Variants in CHAF1A observed in about 807,000 individuals in gnomAD.
The protein encoded by CHAF1A is CAF-1 subunit A.
A neutral mutation model predicts 93.2 loss-of-function variants in CHAF1A; 5 were observed. That is an observed-to-expected ratio of 0.05 (90% CI 0.03 to 0.11). CHAF1A has a LOEUF of 0.11. Among genes scored for constraint, CHAF1A ranks in the 10% least tolerant of loss-of-function variants. CHAF1A has a pLI of 1.00. For missense variants in CHAF1A, 1,102 were observed against 1,259.9 expected, an observed-to-expected ratio of 0.87 and a Z score of 1.90; for synonymous variants, 504 against 510.3, an observed-to-expected ratio of 0.99 and a Z score of 0.17.
intron 8 of CHAF1A, 105 bp downstream of exon 8, chr19:4,428,995 G>T: frequency 1.1e-6 from 1 of 885,228 alleles, no homozygotes; most frequent in Admixed American, 2.4e-5. Context: ...TCTGTTGCTT[G>T]CTTCCTAGTG....
downstream of CHAF1A, chr19:4,446,953 C>A: frequency 6.2e-7 from 1 of 1,605,440 alleles, no homozygotes; most frequent in East Asian, 2.2e-5. Context: ...CTGGGGGCCC[C>A]TGGCTTCCTC....
At chr19:4,446,516 G>A (rs145303168), downstream of CHAF1A, 17 of 1,610,112 alleles carry the variant, frequency 1.1e-5, no homozygotes, top group Non-Finnish European at 1.1e-5. Flanking sequence ...CTCTGCTCCC[G>A]CTTGATCTCC....
downstream of CHAF1A, chr19:4,448,760 C>T (rs1974595246): frequency 3.6e-5 from 10 of 280,336 alleles, no homozygotes; most frequent in South Asian, 3.8e-4. Flanking sequence ...TCAAGGCCAC[C>T]GCCACTTACA....
At position 4,422,155 on chromosome 19, in the gene CHAF1A, G is replaced by A. The variant is rs548074822; in HGVS notation, c.1018-411G>A. ...CTCCCCAGTAGCTGGGATTACAGGC[G>A]CCCACCATGCCTGGCTAGTTTTTTT... is the stretch of plus-strand genomic sequence containing the variant. On this transcript the variant is annotated intron_variant, in intron 4 of 14. Transcript: ENST00000301280. This position sits in a 1 kb window ranked among gnomAD's most constrained non-coding sequence, Gnocchi z 4.6. Among the ~76,000 whole-genome samples, 3 of 151,950 alleles carry A rather than the reference G, an allele frequency of 2.0e-5. No homozygotes were observed. The highest frequency in any genetic ancestry group is 4.4e-5 in the Non-Finnish European group (3 of 67,980).
intron 3 of CHAF1A, among the ~76,000 whole-genome samples, chr19:4,414,470 A>G (rs1973863743): frequency 6.6e-6 from 1 of 151,498 alleles, no homozygotes; most frequent in African/African-American, 2.4e-5. Flanking sequence ...GGTTGCCATT[A>G]TTATCATCAT....
chr19:4,442,168 A>G, intron 13 of CHAF1A, 77 bp from the exon 14 acceptor site: 1 of 1,177,006 alleles, frequency 8.5e-7, no homozygotes. Context: ...ACACCTGTGG[A>G]GTTCCCCCCG....
intron 13 of CHAF1A, among the ~76,000 whole-genome samples, 192 bp from the exon 14 acceptor site, chr19:4,442,053 C>T (rs1348458204): frequency 3.3e-5 from 5 of 152,304 alleles, no homozygotes; most frequent in Non-Finnish European, 7.3e-5. Context: ...CCAAGGTTCT[C>T]TGGTTGTGGC....
At chr19:4,420,777 A>C (rs143337291) in intron 4 of CHAF1A, among the ~76,000 whole-genome samples, 41 of 152,270 alleles carry the variant, frequency 2.7e-4, no homozygotes, top group Non-Finnish European at 4.9e-4. Context: ...TACTAAAAAG[A>C]AAAAGAATTC....
intron 13 of CHAF1A, among the ~76,000 whole-genome samples, chr19:4,435,768 G>A (rs1974273130): frequency 6.6e-6 from 1 of 152,192 alleles, no homozygotes; most frequent in African/African-American, 2.4e-5. Flanking sequence ...GGAGTTACAG[G>A]TTTTCAGAGA....
rs1568185522 is a variant in CHAF1A, at chr19:4,443,032, G to C, written c.*7G>C. 6.4e-7 allele frequency: 1 copy of C among 1,553,262 alleles called. No homozygotes were observed. Among genetic ancestry groups the C allele is most frequent in the African/African-American group, 1.3e-5 (1 of 74,080 alleles). ...CCCACTGGGTGCATCCTGAGAGCAG[G>C]GGTGACGTATGTAGAATGCTTAGGG... On this transcript the variant is annotated 3_prime_UTR_variant, in exon 15 of 15. Transcript: ENST00000301280.
At chr19:4,436,514 G>A (rs1372900588) in intron 13 of CHAF1A, among the ~76,000 whole-genome samples, 1 of 152,220 alleles carries the variant, frequency 6.6e-6, no homozygotes, top group Non-Finnish European at 1.5e-5. Flanking sequence ...TGTGAGCAGT[G>A]CCTTTCCCTG....
chr19:4,414,057 C>G (rs1973856073), intron 3 of CHAF1A, among the ~76,000 whole-genome samples: 1 of 152,176 alleles, frequency 6.6e-6, no homozygotes, highest in African/African-American at 2.4e-5. Flanking sequence ...ATTGCTGGAA[C>G]TTCTTTCCAT....
intron 9 of CHAF1A, 31 bp downstream of exon 9, chr19:4,429,637 G>T: frequency 6.2e-7 from 1 of 1,614,022 alleles, no homozygotes; most frequent in Non-Finnish European, 8.5e-7. Flanking sequence ...CTCCGTCCCC[G>T]TACCTCCTCA....
chr19:4,414,411 A>G (rs1205210588), intron 3 of CHAF1A, among the ~76,000 whole-genome samples: 1 of 151,368 alleles, frequency 6.6e-6, no homozygotes, highest in Non-Finnish European at 1.5e-5. Flanking sequence ...AAAAAAAAAA[A>G]CAAAAAGGAA....
intron 4 of CHAF1A, among the ~76,000 whole-genome samples, chr19:4,419,038 T>TA (rs1973945769): frequency 6.8e-6 from 1 of 145,998 alleles, no homozygotes; most frequent in African/African-American, 2.5e-5. Flanking sequence ...AATTTTTTTT[T>TA]TTTTTTTTTT....
chr19:4,418,297 G>A (rs556804724), intron 4 of CHAF1A, among the ~76,000 whole-genome samples: 3 of 152,052 alleles, frequency 2.0e-5, no homozygotes, highest in Admixed American at 6.6e-5. Flanking sequence ...TTTGTGTGTG[G>A]CCTTTTCTAA....
chr19:4,423,917 A>G (rs752260213), intron 7 of CHAF1A, 43 bp downstream of exon 7: 3 of 1,574,526 alleles, frequency 1.9e-6, no homozygotes, highest in Middle Eastern at 1.7e-4. Flanking sequence ...CAGCTCTGCT[A>G]GACTTTTCCT....
At chr19:4,446,683 G>C (rs200898701), downstream of CHAF1A, 30 of 1,611,512 alleles carry the variant, frequency 1.9e-5, no homozygotes, top group African/African-American at 4.0e-4. Context: ...CTGGGCCAAG[G>C]TGGTCTCGCT....
chr19:4,428,824 A>C lies in CHAF1A; in HGVS notation c.1538A>C (p.Lys513Thr). Residue 513 changes from lysine to threonine, a missense_variant, in exon 8 of 15, where the codon AAA becomes ACA. Physicochemically the swap from Lys to Thr is moderately conservative, Grantham distance 78. Around this residue, in one of 6 missense-constraint regions of CHAF1A, gnomAD observed 165 missense variants for 243.9 expected, o/e 0.68. Transcript: ENST00000301280. ...SGEFSFLKDL[K>T]GRQPLRSGPT... The stretch of plus-strand genomic sequence containing the variant: ...GAGTTCTCCTTCTTGAAAGACCTCA[A>C]AGGCCGGCAGCCCCTGAGGTCCGGA... The C allele has an allele frequency of 6.2e-7, 1 of 1,613,944 alleles. No individual in the cohort carries two copies.
Sources: gnomAD v4.1 joint callset for allele counts (sites outside exome capture counted in the v4.1 genomes callset) on GRCh38, gnomAD v4.1.1 for gene constraint, gnomAD v4.1.1 regional missense constraint, Gnocchi (gnomAD v3.1) non-coding constraint, MANE v1.5 for transcripts, NCBI Gene and HGNC (gene_info 2026-07-23, HGNC 2026-07-21) for gene names.